The following RAB27B variants were observed in gnomAD, a reference collection of about 807,000 sequenced individuals.
The protein encoded by RAB27B is ras-related protein Rab-27B.
RAB27B carries 15 observed loss-of-function variants against 24.6 expected under a neutral mutation model. The observed-to-expected ratio is 0.61, with a 90% CI of 0.41 to 0.94. The LOEUF (loss-of-function observed/expected upper bound fraction) is 0.94. Among genes scored for constraint, RAB27B ranks in the 40% least tolerant of loss-of-function variants. The probability of loss-of-function intolerance (pLI) is 0.00; values close to 1 mark genes in which losing one functional copy is unlikely to be tolerated. For missense variants in RAB27B, 261 were observed against 266.8 expected (o/e 0.98, Z 0.15); for synonymous variants, 105 against 92.5 (o/e 1.14, Z -0.78).
chr18:54,728,895 A>AG, intron 2 of RAB27B, among the ~76,000 whole-genome samples: 1 of 89,200 alleles, frequency 1.1e-5, no homozygotes, highest in Non-Finnish European at 2.5e-5. Context: ...AAAAAAAAAA[A>AG]AAAAACCCAA....
At chr18:54,866,635 A>G (rs2145249247) in intron 1 of RAB27B, among the ~76,000 whole-genome samples, 1 of 152,310 alleles carries the variant, frequency 6.6e-6, no homozygotes, top group Non-Finnish European at 1.5e-5. Context: ...CCAGATGCCT[A>G]GTTGTCCTAC....
intron 2 of RAB27B, among the ~76,000 whole-genome samples, chr18:54,723,921 A>C (rs879866364): frequency 1.3e-5 from 2 of 152,210 alleles, no homozygotes; most frequent in Non-Finnish European, 2.9e-5. Flanking sequence ...ATGAAATATA[A>C]ATATATTTTT....
chr18:54,821,738 C>T lies in RAB27B; in HGVS notation c.-19-55829C>T, dbSNP rs531244726. 2.6e-5 allele frequency among the ~76,000 whole-genome samples: 4 copies of T among 152,266 alleles called. No individual in the cohort carries two copies. In the East Asian group the frequency reaches 5.8e-4, roughly 22 times the overall value. ...CATGTGATTCTTTGCTATCATCAAA[C>T]CTTAATTAGCTAGCTGTTATTTTTA... On this transcript the variant is annotated intron_variant, in intron 2 of 4. Coordinates refer to the RAB27B transcript ENST00000586570.
chr18:54,725,903 A>G (rs898975468), intron 2 of RAB27B, among the ~76,000 whole-genome samples: 7 of 151,586 alleles, frequency 4.6e-5, no homozygotes, highest in Non-Finnish European at 8.9e-5. Flanking sequence ...TAGAAAATGT[A>G]AAGAACTCTT....
intron 2 of RAB27B, among the ~76,000 whole-genome samples, chr18:54,877,992 C>T (rs1033575964): frequency 1.3e-5 from 2 of 152,140 alleles, no homozygotes; most frequent in Non-Finnish European, 2.9e-5. Flanking sequence ...TACTGATTTG[C>T]ATAGTGTGTT....
chr18:54,812,288 T>A (rs1342866909), intron 2 of RAB27B, among the ~76,000 whole-genome samples: 1 of 152,198 alleles, frequency 6.6e-6, no homozygotes, highest in Non-Finnish European at 1.5e-5. Context: ...TTCTCTTTTT[T>A]TGTTGTACAT....
At chr18:54,887,036 TC>T (rs1913170317) in intron 4 of RAB27B, among the ~76,000 whole-genome samples, 1 of 23,006 alleles carries the variant, frequency 4.3e-5, no homozygotes, top group Non-Finnish European at 7.9e-5. Context: ...CCTCCCTCCC[TC>T]CCTCCCTTCC....
At chr18:54,746,680 T>A (rs1367774118) in intron 2 of RAB27B, among the ~76,000 whole-genome samples, 1 of 152,156 alleles carries the variant, frequency 6.6e-6, no homozygotes, top group East Asian at 1.9e-4. Flanking sequence ...CTTCTTTACT[T>A]TAATTAGCCT....
chr18:54,877,627 C>A lies in RAB27B; in HGVS notation c.42C>A (p.Ala14=). 1 of 1,591,126 alleles carries A rather than the reference C, an allele frequency of 6.3e-7. No homozygotes were observed. The highest frequency in any genetic ancestry group is 1.9e-5 in the Admixed American group (1 of 53,438). ...GDYDYLIKLL[A]LGDSGVGKTT... ...ATGATTATCTGATCAAACTCCTGGC[C>A]CTCGGGGATTCAGGGGTGGGGAAGA... is the stretch of plus-strand genomic sequence containing the variant. The change falls in exon 2 of 6, where the codon GCC becomes GCA. Residue 14 remains alanine (A), a synonymous_variant. Coordinates refer to ENST00000262094, the MANE Select transcript of RAB27B (RefSeq NM_004163.4).
At chr18:54,807,478 C>G (rs1045136768) in intron 2 of RAB27B, among the ~76,000 whole-genome samples, 5 of 152,098 alleles carry the variant, frequency 3.3e-5, no homozygotes, top group Non-Finnish European at 5.9e-5. Context: ...GAACTTGGAG[C>G]TTTACAGGAT....
At chr18:54,827,578 A>G (rs1417509544), upstream of RAB27B, among the ~76,000 whole-genome samples, 1 of 152,216 alleles carries the variant, frequency 6.6e-6, no homozygotes, top group Non-Finnish European at 1.5e-5. Flanking sequence ...TGATAACAGC[A>G]GTGCCTCCCA....
At chr18:54,841,938 A>G (rs944064380) in intron 1 of RAB27B, among the ~76,000 whole-genome samples, 7 of 152,330 alleles carry the variant, frequency 4.6e-5, no homozygotes, top group African/African-American at 7.2e-5. Flanking sequence ...GATTTAGACA[A>G]TTCACAGGGA....
chr18:54,736,638 T>C (rs1379548713), intron 2 of RAB27B, among the ~76,000 whole-genome samples: 1 of 151,948 alleles, frequency 6.6e-6, no homozygotes, highest in East Asian at 1.9e-4. Context: ...AGTCTCTGGG[T>C]GTGTGTGTGG....
intron 2 of RAB27B, among the ~76,000 whole-genome samples, chr18:54,803,686 T>C (rs1479947465): frequency 2.0e-5 from 3 of 152,150 alleles, no homozygotes; most frequent in Admixed American, 6.5e-5. Flanking sequence ...TTGGGATATG[T>C]CTTGGAGTTA....
Position 54,889,260 on chromosome 18 carries a change from G to C in RAB27B, c.504G>C (p.Gln168His). Residue 168 changes from glutamine (Q) to histidine (H), a missense_variant, in exon 6 of 6, where the codon CAG becomes CAC. Physicochemically the swap from Gln to His is conservative, Grantham distance 24 (BLOSUM62 0). Coordinates refer to ENST00000262094, the MANE Select transcript of RAB27B (RefSeq NM_004163.4). ...PYFETSAATGQNVEKAVETLL... is the reference protein window; with the variant it reads ...PYFETSAATGHNVEKAVETLL... ...TTGAAACAAGTGCAGCAACTGGACAGAATGTGGAGAAAGCTGTAGAAACCC... is the reference window on the plus strand; with the variant it reads ...TTGAAACAAGTGCAGCAACTGGACACAATGTGGAGAAAGCTGTAGAAACCC... The C allele has an allele frequency of 6.2e-7, 1 of 1,612,352 alleles. No homozygotes were observed. Among genetic ancestry groups the C allele is most frequent in the Non-Finnish European group, 8.5e-7 (1 of 1,179,066 alleles).
intron 2 of RAB27B, among the ~76,000 whole-genome samples, chr18:54,777,575 G>C (rs1390191294): frequency 6.6e-6 from 1 of 152,214 alleles, no homozygotes; most frequent in Non-Finnish European, 1.5e-5. Flanking sequence ...TTTGTTTTAA[G>C]TAATCAGAGA....
chr18:54,884,993 G>A (rs528069577), intron 4 of RAB27B, among the ~76,000 whole-genome samples: 1 of 152,256 alleles, frequency 6.6e-6, no homozygotes, highest in East Asian at 1.9e-4. Context: ...CAAATGTGAG[G>A]AAACCATGTA....
intron 1 of RAB27B, among the ~76,000 whole-genome samples, chr18:54,844,053 G>C (rs767402931): frequency 4.7e-4 from 72 of 152,164 alleles, no homozygotes; most frequent in Non-Finnish European, 9.3e-4. Flanking sequence ...TCAGGGTGGG[G>C]TCTGAGATAA....
In RAB27B at chr18:54,838,522, C is replaced by T. The variant is rs568626299; in HGVS notation, c.-20+9822C>T. ...GACTATTTAATAATTAGTACGAGAA[C>T]ATATTGTATGCCTACTTGTTCGATT... On this transcript the variant is annotated intron_variant, in intron 1 of 5. Transcript: ENST00000262094. 5.3e-5 allele frequency among the ~76,000 whole-genome samples: 8 copies of T among 152,266 alleles called. No individual in the cohort carries two copies. In the South Asian group the frequency reaches 1.2e-3, roughly 24 times the overall value.
Sources: allele counts gnomAD v4.1 joint callset (sites outside exome capture counted in the v4.1 genomes callset), GRCh38; gene constraint gnomAD v4.1.1; transcripts MANE v1.5; gene names NCBI Gene and HGNC (gene_info 2026-07-23, HGNC 2026-07-21).